The following FRMD5 variants were observed in gnomAD, a reference collection of about 807,000 sequenced individuals.
FRMD5 encodes FERM domain containing 5.
FRMD5 carries 20 observed loss-of-function variants against 69.0 expected under a neutral mutation model. The observed-to-expected ratio is 0.29, with a 90% CI of 0.20 to 0.42. FRMD5 has a LOEUF of 0.42. Ranked by LOEUF, FRMD5 falls within the 10% of genes least tolerant of loss-of-function variation. The pLI is 1.00. For missense variants in FRMD5, 595 were observed against 708.6 expected (o/e 0.84, Z 1.82); for synonymous variants, 271 against 260.1 (o/e 1.04, Z -0.40).
At chr15:44,120,541 T>C (rs1193359906) in intron 1 of FRMD5, among the ~76,000 whole-genome samples, 2 of 150,386 alleles carry the variant, frequency 1.3e-5, no homozygotes, top group Non-Finnish European at 3.0e-5. Flanking sequence ...GGATTTTTTT[T>C]TTTTTTTTTT....
intron 1 of FRMD5, among the ~76,000 whole-genome samples, chr15:44,134,779 T>C (rs999621731): frequency 6.6e-6 from 1 of 152,192 alleles, no homozygotes; most frequent in South Asian, 2.1e-4. Flanking sequence ...TAGTCAGTGA[T>C]AGCCTTTCTG....
intron 1 of FRMD5, among the ~76,000 whole-genome samples, chr15:43,926,234 C>T (rs1230837787): frequency 6.6e-6 from 1 of 152,202 alleles, no homozygotes; most frequent in Non-Finnish European, 1.5e-5. Context: ...GAATGACTTG[C>T]AGGAACCTGT....
chr15:44,061,824 C>T (rs1043365302), intron 1 of FRMD5, among the ~76,000 whole-genome samples: 3 of 152,134 alleles, frequency 2.0e-5, no homozygotes, highest in Non-Finnish European at 2.9e-5. Flanking sequence ...ATCTGAAATA[C>T]GGCCAGCAAT....
intron 1 of FRMD5, among the ~76,000 whole-genome samples, chr15:43,958,270 T>C (rs2090145034): frequency 6.6e-6 from 1 of 152,044 alleles, no homozygotes; most frequent in Non-Finnish European, 1.5e-5. Context: ...TACTGAGAGC[T>C]GCTCATGCCT....
intron 1 of FRMD5, among the ~76,000 whole-genome samples, chr15:44,097,185 T>C (rs569178930): frequency 5.9e-5 from 9 of 152,324 alleles, no homozygotes; most frequent in Non-Finnish European, 1.0e-4. Flanking sequence ...ACCACTTTGT[T>C]CTCTGAAATA....
chr15:43,900,170 G>A (rs1030339048), intron 7 of FRMD5, among the ~76,000 whole-genome samples: 8 of 152,148 alleles, frequency 5.3e-5, no homozygotes, highest in Admixed American at 2.6e-4. Flanking sequence ...GTACTTTCAA[G>A]TGAGGCTCAG....
chr15:43,873,398 C>A lies in FRMD5; in HGVS notation c.*487G>T. 6.9e-7 allele frequency: 1 copy of A among 1,441,556 alleles called. No individual in the cohort carries two copies. Among genetic ancestry groups the A allele is most frequent in the Non-Finnish European group, 9.0e-7 (1 of 1,106,808 alleles). The allele number at this position is 1,441,556 out of a possible 1,614,324, so 89.3% of individuals were successfully genotyped here. On this transcript the variant is annotated 3_prime_UTR_variant, in exon 14 of 14. Transcript: ENST00000417257. ...TTGTCCAGATCCCTGGCCTGCCCTG[C>A]TGAGGCTGCAGTGATGAGTCTACTG...
At chr15:44,086,481 A>G (rs1371659698) in intron 1 of FRMD5, among the ~76,000 whole-genome samples, 1 of 152,230 alleles carries the variant, frequency 6.6e-6, no homozygotes. Flanking sequence ...AGATAATTCT[A>G]TTTATGTAAA....
chr15:43,988,467 T>C (rs1889506704), intron 1 of FRMD5, among the ~76,000 whole-genome samples: 1 of 143,602 alleles, frequency 7.0e-6, no homozygotes, highest in Non-Finnish European at 1.5e-5. Flanking sequence ...GAAACATAAG[T>C]GTTTTTTTTA....
At chr15:44,039,186 A>AT (rs1160411440) in intron 1 of FRMD5, among the ~76,000 whole-genome samples, 2 of 152,244 alleles carry the variant, frequency 1.3e-5, no homozygotes, top group African/African-American at 2.4e-5. Flanking sequence ...GGACTTACAG[A>AT]TAAAACCCCC....
intron 1 of FRMD5, among the ~76,000 whole-genome samples, chr15:44,097,788 C>G (rs2076575059): frequency 6.6e-6 from 1 of 152,090 alleles, no homozygotes; most frequent in Non-Finnish European, 1.5e-5. Context: ...CCAAAATGTT[C>G]TTCCCAAACA....
At chr15:43,937,981 G>A (rs1427283004) in intron 1 of FRMD5, among the ~76,000 whole-genome samples, 1 of 152,028 alleles carries the variant, frequency 6.6e-6, no homozygotes, top group Non-Finnish European at 1.5e-5. Flanking sequence ...AGCCTACCAT[G>A]TGCAGGCTGG....
At chr15:43,878,924 TTTC>T (rs1474855096) in intron 13 of FRMD5, among the ~76,000 whole-genome samples, 1 of 148,360 alleles carries the variant, frequency 6.7e-6, no homozygotes, top group African/African-American at 2.5e-5. Flanking sequence ...TCTTTTTTTT[TTTC>T]TTTTCTTTTT....
chr15:44,078,329 T>G (rs1318521187), intron 1 of FRMD5, among the ~76,000 whole-genome samples: 1 of 152,096 alleles, frequency 6.6e-6, no homozygotes, highest in Non-Finnish European at 1.5e-5. Flanking sequence ...TAAACTTAGA[T>G]GAACTAGAGA....
At position 44,139,095 on chromosome 15, in the gene FRMD5, T is replaced by C. The variant is rs370524689; in HGVS notation, c.102+55858A>G. ...TACTAAAAAAATGACTTGTACACTT[T>C]AAATGGGTGAATCGTATAGTATGTG... On this transcript the variant is annotated intron_variant, in intron 1 of 13. Coordinates refer to ENST00000417257, the MANE Select transcript of FRMD5 (RefSeq NM_032892.5). Among the ~76,000 whole-genome samples, 16 of 152,238 alleles carry C rather than the reference T, an allele frequency of 1.1e-4. No individual in the cohort carries two copies. The South Asian group carries it at 2.3e-3, about 22-fold the overall frequency.
At chr15:44,139,230 A>C (rs950787538) in intron 1 of FRMD5, among the ~76,000 whole-genome samples, 8 of 151,946 alleles carry the variant, frequency 5.3e-5, no homozygotes, top group African/African-American at 1.9e-4. Flanking sequence ...ATAATTATTT[A>C]TGAATGTTAA....
At chr15:43,975,606 T>C (rs1372537733) in intron 1 of FRMD5, among the ~76,000 whole-genome samples, 2 of 152,138 alleles carry the variant, frequency 1.3e-5, no homozygotes, top group Admixed American at 6.6e-5. Flanking sequence ...CAATAAGACG[T>C]TGCTGAGAGA....
At chr15:44,042,047 C>G (rs558445927) in intron 1 of FRMD5, among the ~76,000 whole-genome samples, 5 of 151,558 alleles carry the variant, frequency 3.3e-5, no homozygotes, top group Non-Finnish European at 7.4e-5. Flanking sequence ...AGACTAATAA[C>G]GAAGAAAAGA....
chr15:44,024,905 C>T (rs144929228), intron 1 of FRMD5, among the ~76,000 whole-genome samples: 1 of 152,328 alleles, frequency 6.6e-6, no homozygotes, highest in East Asian at 1.9e-4. Flanking sequence ...AACCTACATC[C>T]TCACTCAATT....
Sources: gnomAD v4.1 joint callset for allele counts (sites outside exome capture counted in the v4.1 genomes callset) on GRCh38, gnomAD v4.1.1 for gene constraint, MANE v1.5 for transcripts, NCBI Gene and HGNC (gene_info 2026-07-23, HGNC 2026-07-21) for gene names.